Variants in SLC71A2 observed in about 807,000 individuals in gnomAD.
The protein encoded by SLC71A2 is hippocampus abundant transcript-like 1.
chr9:94,406,104 C>T, the SLC71A2 span, among the ~76,000 whole-genome samples: 1 of 90,688 alleles, frequency 1.1e-5, no homozygotes, highest in African/African-American at 4.6e-5. Context: ...GGGTGTCACT[C>T]TTGCCCAGGC....
At chr9:94,422,865 C>T in the SLC71A2 span, among the ~76,000 whole-genome samples, 2 of 151,126 alleles carry the variant, frequency 1.3e-5, no homozygotes, top group Non-Finnish European at 2.9e-5. Context: ...TTCATGTGTA[C>T]GTTTGTCTCT....
the SLC71A2 span, among the ~76,000 whole-genome samples, chr9:94,399,964 G>A: frequency 6.6e-6 from 1 of 151,924 alleles, no homozygotes; most frequent in Non-Finnish European, 1.5e-5. Flanking sequence ...TGCCACCACG[G>A]TGGCCTGGCT....
chr9:94,440,872 T>A, the SLC71A2 span: 1 of 581,902 alleles, frequency 1.7e-6, no homozygotes, highest in Non-Finnish European at 3.1e-6. Flanking sequence ...TACATACATA[T>A]ACAAGTATAC....
the SLC71A2 span, among the ~76,000 whole-genome samples, chr9:94,426,547 G>A: frequency 6.6e-6 from 1 of 152,168 alleles, no homozygotes. Context: ...TTCTAGGAAT[G>A]CTGTAAATTT....
the SLC71A2 span, among the ~76,000 whole-genome samples, chr9:94,416,365 A>T: frequency 2.7e-5 from 4 of 150,650 alleles, no homozygotes; most frequent in Admixed American, 6.6e-5. Flanking sequence ...AACAAAAATT[A>T]AAAAAAAAAT....
At chr9:94,448,122 T>C in the SLC71A2 span, among the ~76,000 whole-genome samples, 1 of 152,184 alleles carries the variant, frequency 6.6e-6, no homozygotes, top group Admixed American at 6.5e-5. Flanking sequence ...TTTAATAATA[T>C]TAATTAAATT....
the SLC71A2 span, among the ~76,000 whole-genome samples, chr9:94,405,377 C>G: frequency 2.0e-5 from 3 of 151,976 alleles, no homozygotes; most frequent in Non-Finnish European, 4.4e-5. Context: ...CGCCTGTAGT[C>G]CCAGATACTC....
At chr9:94,451,728 A>G in the SLC71A2 span, among the ~76,000 whole-genome samples, 4 of 152,318 alleles carry the variant, frequency 2.6e-5, no homozygotes, top group African/African-American at 7.2e-5. Context: ...CCACAGAACT[A>G]TTCCTTCTTA....
At chr9:94,378,199 G>A in the SLC71A2 span, among the ~76,000 whole-genome samples, 1 of 151,918 alleles carries the variant, frequency 6.6e-6, no homozygotes, top group East Asian at 1.9e-4. Context: ...ACCTGAGACT[G>A]GGGAATTTAT....
the SLC71A2 span, among the ~76,000 whole-genome samples, chr9:94,378,351 G>GGGGA: frequency 7.9e-5 from 12 of 152,080 alleles, no homozygotes; most frequent in African/African-American, 2.9e-4. Flanking sequence ...AAGAGAGAGA[G>GGGGA]GGGAGGAGGT....
chr9:94,391,377 A>AC, the SLC71A2 span, among the ~76,000 whole-genome samples: 5 of 150,314 alleles, frequency 3.3e-5, no homozygotes, highest in African/African-American at 9.8e-5. Flanking sequence ...AAAAAAAAAA[A>AC]GGAAAAAGGA....
chr9:94,436,533 T>G, the SLC71A2 span, among the ~76,000 whole-genome samples: 747 of 152,346 alleles, frequency 4.9e-3, 6 homozygotes, highest in Admixed American at 0.011. Context: ...GTATTAATAA[T>G]AATCCTTCTT....
chr9:94,447,529 T>A, the SLC71A2 span, among the ~76,000 whole-genome samples: 2 of 151,222 alleles, frequency 1.3e-5, no homozygotes, highest in Admixed American at 1.3e-4. Context: ...AGAACAGTTT[T>A]AGGTTCACAG....
chr9:94,396,808 T>C, the SLC71A2 span, among the ~76,000 whole-genome samples: 4 of 152,200 alleles, frequency 2.6e-5, no homozygotes, highest in African/African-American at 9.6e-5. Context: ...TTCGCTCTTC[T>C]TGCCCAGGCT....
At chr9:94,393,049 C>G in the SLC71A2 span, among the ~76,000 whole-genome samples, 1 of 151,836 alleles carries the variant, frequency 6.6e-6, no homozygotes, top group Non-Finnish European at 1.5e-5. Flanking sequence ...AATTAGAAAG[C>G]AGGCAGAGCC....
chr9:94,416,236 C>G, the SLC71A2 span, among the ~76,000 whole-genome samples: 9 of 151,976 alleles, frequency 5.9e-5, no homozygotes, highest in East Asian at 9.7e-4. Context: ...ATTGATGGGC[C>G]GGGTACAGTA....
the SLC71A2 span, among the ~76,000 whole-genome samples, chr9:94,425,145 A>T: frequency 3.3e-5 from 5 of 151,122 alleles, no homozygotes; most frequent in East Asian, 9.9e-4. Context: ...GAAACCCCAT[A>T]TCTACTAAAT....
At chr9:94,419,301 T>TTC in the SLC71A2 span, among the ~76,000 whole-genome samples, 1 of 147,216 alleles carries the variant, frequency 6.8e-6, no homozygotes, top group Non-Finnish European at 1.5e-5. Context: ...TTTTTTTCTT[T>TTC]TTTTTTTTTT....
chr9:94,458,190 C>CATTA, the SLC71A2 span: 4 of 609,496 alleles, frequency 6.6e-6, no homozygotes. Context: ...AATCTACTTT[C>CATTA]ATTAGCATGC....
Sources: gnomAD v4.1 joint callset for allele counts (sites outside exome capture counted in the v4.1 genomes callset) on GRCh38, gnomAD v4.1.1 for gene constraint, MANE v1.5 for transcripts, NCBI Gene and HGNC (gene_info 2026-07-23, HGNC 2026-07-21) for gene names.